NDE1: variants seen among roughly 807,000 people sequenced by gnomAD.
The protein encoded by NDE1 is nuclear distribution protein nudE homolog 1.
A neutral mutation model predicts 43.4 loss-of-function variants in NDE1; 28 were observed. The ratio of observed to expected loss-of-function variants is 0.65; its 90% CI spans 0.48 to 0.89. NDE1 has a LOEUF of 0.89. Ranked by LOEUF, NDE1 falls within the 40% of genes least tolerant of loss-of-function variation. NDE1 has a pLI of 0.00. For synonymous variants in NDE1, 184 were observed against 172.0 expected, an observed-to-expected ratio of 1.07 and a Z score of -0.55; for missense variants, 441 against 434.1, an observed-to-expected ratio of 1.02 and a Z score of -0.14.
At chr16:15,707,260 C>G (rs1033679440) in intron 8 of NDE1, among the ~76,000 whole-genome samples, 2 of 152,146 alleles carry the variant, frequency 1.3e-5, no homozygotes, top group African/African-American at 4.8e-5. Flanking sequence ...TGGTCCTGAC[C>G]TCAAGTTATC....
chr16:15,645,421 G>C (rs896215937), upstream of NDE1, among the ~76,000 whole-genome samples: 3 of 152,020 alleles, frequency 2.0e-5, no homozygotes, highest in Non-Finnish European at 4.4e-5. Context: ...CTTGAGGCTT[G>C]GTGTTTAAAA....
chr16:15,709,810 A>C (rs1372957162), intron 8 of NDE1, among the ~76,000 whole-genome samples: 1 of 152,188 alleles, frequency 6.6e-6, no homozygotes, highest in Non-Finnish European at 1.5e-5. Flanking sequence ...GTTTATGATT[A>C]CTTGCTCTTC....
intron 1 of NDE1, among the ~76,000 whole-genome samples, chr16:15,659,032 C>CCAGA (rs2036910053): frequency 6.6e-6 from 1 of 151,918 alleles, no homozygotes; most frequent in Non-Finnish European, 1.5e-5. Context: ...ATGAGTGGGT[C>CCAGA]GGGAAATAGC....
At chr16:15,707,988 C>T (rs1322148864) in intron 8 of NDE1, among the ~76,000 whole-genome samples, 1 of 150,142 alleles carries the variant, frequency 6.7e-6, no homozygotes, top group African/African-American at 2.5e-5. Flanking sequence ...AAGCAAAATC[C>T]CAGAGCAGCA....
intron 1 of NDE1, among the ~76,000 whole-genome samples, chr16:15,662,009 C>G (rs1459376435): frequency 6.6e-6 from 1 of 152,114 alleles, no homozygotes; most frequent in Non-Finnish European, 1.5e-5. Context: ...TCATAGCTTA[C>G]TGCAGCCTCA....
chr16:15,655,434 C>T (rs767248518), intron 1 of NDE1, among the ~76,000 whole-genome samples: 7 of 152,188 alleles, frequency 4.6e-5, no homozygotes, highest in Admixed American at 3.3e-4. Context: ...CGTGAGCCAT[C>T]GTGCCCGGCC....
At chr16:15,648,609 C>G (rs1017953567), upstream of NDE1, among the ~76,000 whole-genome samples, 19 of 151,464 alleles carry the variant, frequency 1.3e-4, no homozygotes, top group African/African-American at 4.4e-4. Flanking sequence ...GAGTTCGAGA[C>G]CAGCCTGGCC....
In NDE1 at chr16:15,664,740, C is replaced by G; in HGVS notation, c.-39C>G. 1 of 1,447,282 alleles carries G rather than the reference C, an allele frequency of 6.9e-7. No individual in the cohort carries two copies. The highest frequency in any genetic ancestry group is 9.7e-7 in the Non-Finnish European group (1 of 1,028,582). The allele number at this position is 1,447,282 out of a possible 1,614,324, so 89.7% of individuals were successfully genotyped here. ...TTTTGAAACCTTCTCTCCTAGACAC[C>G]ATGCCACAAGGAGAGTGATCTCTTC... On this transcript the variant is annotated 5_prime_UTR_variant, in exon 2 of 9. Coordinates refer to ENST00000396354, the MANE Select transcript of NDE1 (RefSeq NM_017668.3).
chr16:15,680,301 C>G (rs978494025), intron 4 of NDE1, among the ~76,000 whole-genome samples: 1 of 151,950 alleles, frequency 6.6e-6, no homozygotes, highest in African/African-American at 2.4e-5. Flanking sequence ...TGTGGGGGGG[C>G]CCACGGTGAT....
intron 7 of NDE1, among the ~76,000 whole-genome samples, chr16:15,695,202 C>T (rs915032592): frequency 5.5e-5 from 7 of 127,418 alleles, no homozygotes; most frequent in Non-Finnish European, 1.6e-5. Flanking sequence ...AAAACTGCCA[C>T]CTTTTTTTTT....
intron 8 of NDE1, chr16:15,708,853 A>G (rs1272141274): frequency 1.9e-6 from 3 of 1,609,114 alleles, no homozygotes; most frequent in African/African-American, 1.3e-5. Flanking sequence ...TGAAACAGAG[A>G]GAGAATCCCC....
intron 8 of NDE1, chr16:15,717,612 T>C (rs2040231798): frequency 5.2e-6 from 3 of 575,458 alleles, no homozygotes; most frequent in Non-Finnish European, 9.3e-6. Flanking sequence ...CTGGCCAACA[T>C]GGTGAAACCC....
chr16:15,660,709 C>A (rs1296988372), intron 1 of NDE1, among the ~76,000 whole-genome samples: 3 of 152,128 alleles, frequency 2.0e-5, no homozygotes, highest in African/African-American at 7.2e-5. Flanking sequence ...CGCCAGTGAC[C>A]GACTTTCGCT....
In NDE1 at chr16:15,717,237, C is replaced by T. The variant is rs1314387438; in HGVS notation, c.948-6954C>T. 9 of 1,614,196 alleles carry T rather than the reference C, an allele frequency of 5.6e-6. No homozygotes were observed. The highest frequency in any genetic ancestry group is 2.2e-5 in the South Asian group (2 of 91,092). ...TTGGACTTGACGGCCCCCTCCATCT[C>T]GTGGAGCTTGCTCCGGAGCTCCTTG... On this transcript the variant is annotated intron_variant, in intron 8 of 8. Transcript: ENST00000396354.
Position 15,696,847 on chromosome 16 carries a change from T to G in NDE1, c.934T>G (p.Leu312Val). 6.2e-7 allele frequency: 1 copy of G among 1,614,108 alleles called. No homozygotes were observed. The highest frequency in any genetic ancestry group is 8.5e-7 in the Non-Finnish European group (1 of 1,180,030). ...ERRPSSTSVP[L>V]GDKGLDTSCR... is the part of the protein sequence containing the mutation. Reference sequence around the variant, plus strand: ...ACGGCCAAGCAGCACCAGCGTGCCTTTGGGTGATAAGGGGTCAGTACCTTC... The same window carrying G: ...ACGGCCAAGCAGCACCAGCGTGCCTGTGGGTGATAAGGGGTCAGTACCTTC... Residue 312 changes from leucine to valine, a missense_variant, in exon 8 of 9, where the codon TTG becomes GTG. Leu to Val is a conservative substitution (Grantham distance 32). Coordinates refer to ENST00000396354, the MANE Select transcript of NDE1 (RefSeq NM_017668.3).
intron 8 of NDE1, among the ~76,000 whole-genome samples, 198 bp from the exon 9 acceptor site, chr16:15,723,993 C>T (rs908233416): frequency 3.3e-5 from 5 of 152,200 alleles, no homozygotes; most frequent in Non-Finnish European, 7.3e-5. Context: ...GACCTGGTAG[C>T]GTTAATGCTC....
rs201413303 is a variant in NDE1, at chr16:15,696,824, G to C, written c.911G>C (p.Arg304Pro). Residue 304 changes from arginine to proline, a missense_variant, in exon 8 of 9, where the codon CGG becomes CCG. Physicochemically the swap from Arg to Pro is moderately radical, Grantham distance 103. Coordinates refer to ENST00000396354, the MANE Select transcript of NDE1 (RefSeq NM_017668.3). ...AAGAACAGAGATGGCGGGGAGAGAC[G>C]GCCAAGCAGCACCAGCGTGCCTTTG... is the stretch of plus-strand genomic sequence containing the variant. ...SSKNRDGGER[R>P]PSSTSVPLGD... The C allele has an allele frequency of 6.2e-7, 1 of 1,614,034 alleles. No homozygotes were observed. The highest frequency in any genetic ancestry group is 2.2e-5 in the East Asian group (1 of 44,880).
chr16:15,696,656 G>C, intron 7 of NDE1, 53 bp from the exon 8 acceptor site: 1 of 1,613,666 alleles, frequency 6.2e-7, no homozygotes, highest in South Asian at 1.1e-5. Context: ...GCTCTGGTAA[G>C]ACAGAATAGT....
At chr16:15,649,822 G>C (rs182468951), upstream of NDE1, among the ~76,000 whole-genome samples, 199 of 152,330 alleles carry the variant, frequency 1.3e-3, no homozygotes, top group African/African-American at 4.6e-3. Flanking sequence ...GGAAGGGCAC[G>C]GGGCACTGCT....
Sources: allele counts gnomAD v4.1 joint callset (sites outside exome capture counted in the v4.1 genomes callset), GRCh38; gene constraint gnomAD v4.1.1; transcripts MANE v1.5; gene names NCBI Gene and HGNC (gene_info 2026-07-23, HGNC 2026-07-21).